Variants in TNIP1 observed in about 807,000 individuals in gnomAD.
TNIP1 encodes TNFAIP3 interacting protein 1.
Under a neutral mutation model 86.6 loss-of-function variants are expected in TNIP1, and 22 were observed. The ratio of observed to expected loss-of-function variants is 0.25; its 90% CI spans 0.18 to 0.36. The LOEUF is 0.36. Ranked by LOEUF, TNIP1 falls within the 10% of genes least tolerant of loss-of-function variation. The pLI, the probability that TNIP1 is intolerant of heterozygous loss-of-function variation, is 1.00. For synonymous variants in TNIP1, 294 were observed against 313.0 expected, an observed-to-expected ratio of 0.94 and a Z score of 0.64; for missense variants, 709 against 820.6, an observed-to-expected ratio of 0.86 and a Z score of 1.66.
chr5:151,053,469 C>G (rs1760235528), intron 6 of TNIP1, among the ~76,000 whole-genome samples: 3 of 152,268 alleles, frequency 2.0e-5, no homozygotes, highest in Admixed American at 2.0e-4. Flanking sequence ...ACAGATGAGA[C>G]AGTGAGAGTG....
intron 6 of TNIP1, 82 bp downstream of exon 6, chr5:151,056,684 G>C (rs557311262): frequency 7.5e-7 from 1 of 1,336,356 alleles, no homozygotes; most frequent in African/African-American, 1.5e-5. Flanking sequence ...GGTACCAGTG[G>C]ATTCCCAGGA....
intron 11 of TNIP1, among the ~76,000 whole-genome samples, chr5:151,039,635 T>G (rs1758161919): frequency 6.6e-6 from 1 of 152,148 alleles, no homozygotes; most frequent in Non-Finnish European, 1.5e-5. Context: ...AATTTTGTTG[T>G]GTGTAATCTG....
chr5:151,034,751 G>A lies in TNIP1; in HGVS notation c.1587+251C>T, dbSNP rs34702507. 1.1e-4 allele frequency: 54 copies of A among 498,248 alleles called. No homozygotes were observed. In the Admixed American group the frequency reaches 1.5e-3, roughly 13 times the overall value. The allele number at this position is 498,248 out of a possible 1,614,324, so 30.9% of individuals were successfully genotyped here. On this transcript the variant is annotated intron_variant, in intron 15 of 17. Transcript: ENST00000521591. Reference sequence around the variant, plus strand: ...ACATGGGCACGGAAGGCTCATACACGGCCAAAGAAGGCTAGTCACATGGGC... The same window carrying A: ...ACATGGGCACGGAAGGCTCATACACAGCCAAAGAAGGCTAGTCACATGGGC...
chr5:151,073,900 T>TA (rs918248530), intron 1 of TNIP1, among the ~76,000 whole-genome samples: 9 of 151,458 alleles, frequency 5.9e-5, no homozygotes, highest in Admixed American at 2.0e-4. Context: ...CTCTGTCTCT[T>TA]AAAAAAAAGA....
At chr5:151,084,914 A>C (rs974524947), upstream of TNIP1, among the ~76,000 whole-genome samples, 1 of 152,228 alleles carries the variant, frequency 6.6e-6, no homozygotes, top group Non-Finnish European at 1.5e-5. Flanking sequence ...CATGATATTG[A>C]CTAAAATTGT....
At chr5:151,087,315 A>AGGGC (rs1457495847), upstream of TNIP1, 1 of 152,214 alleles carries the variant, frequency 6.6e-6, no homozygotes, top group Non-Finnish European at 1.5e-5. Context: ...GTCAGCCTCC[A>AGGGC]CCTGTCACTT....
intron 2 of TNIP1, 104 bp downstream of exon 2, chr5:151,064,856 G>C (rs1255746535): frequency 1.3e-6 from 2 of 1,528,910 alleles, no homozygotes; most frequent in African/African-American, 2.7e-5. Context: ...GGGATGACTT[G>C]GGCAGAGGCA....
intron 1 of TNIP1, among the ~76,000 whole-genome samples, chr5:151,077,910 T>G (rs577651135): frequency 2.6e-5 from 4 of 152,216 alleles, no homozygotes; most frequent in Non-Finnish European, 5.9e-5. Context: ...GAGGAGAGGC[T>G]GATTCCAGTT....
upstream of TNIP1, chr5:151,087,623 C>G (rs919107795): frequency 2.0e-5 from 3 of 152,222 alleles, no homozygotes; most frequent in African/African-American, 7.2e-5. Context: ...GCTTCTCCAT[C>G]CATAGTGAAG....
chr5:151,057,621 G>A (rs1174199323), intron 5 of TNIP1, among the ~76,000 whole-genome samples: 1 of 152,156 alleles, frequency 6.6e-6, no homozygotes, highest in Admixed American at 6.5e-5. Flanking sequence ...GGAGGCTGAG[G>A]CAGGAGAACT....
At chr5:151,064,319 G>C (rs758557087) in intron 2 of TNIP1, among the ~76,000 whole-genome samples, 1 of 152,220 alleles carries the variant, frequency 6.6e-6, no homozygotes, top group Non-Finnish European at 1.5e-5. Flanking sequence ...CATGAGACTA[G>C]AGAAGGGCAC....
In TNIP1 at chr5:151,063,649, A is replaced by C; in HGVS notation, c.235T>G (p.Ser79Ala). 6.2e-7 allele frequency: 1 copy of C among 1,614,044 alleles called. No individual in the cohort carries two copies. Among genetic ancestry groups the C allele is most frequent in the Non-Finnish European group, 8.5e-7 (1 of 1,179,972 alleles). Residue 79 changes from serine to alanine, a missense_variant, in exon 3 of 18, where the codon TCC becomes GCC. Transcript: ENST00000521591. ...DNELLPPPSP[S>A]LGSFDPLAEL... ...GCCAGGGGGTCGAAGGAGCCCAAGGAGGGAGAAGGTGGTGGGAGCAGCTCG... is the reference window on the plus strand; with the variant it reads ...GCCAGGGGGTCGAAGGAGCCCAAGGCGGGAGAAGGTGGTGGGAGCAGCTCG...
At chr5:151,067,215 G>C (rs1047858015) in intron 1 of TNIP1, among the ~76,000 whole-genome samples, 1 of 152,244 alleles carries the variant, frequency 6.6e-6, no homozygotes, top group Non-Finnish European at 1.5e-5. Flanking sequence ...ACCGAACTAA[G>C]AAACAGTGTG....
intron 13 of TNIP1, among the ~76,000 whole-genome samples, chr5:151,036,497 A>T (rs972052585): frequency 1.3e-5 from 2 of 152,258 alleles, no homozygotes; most frequent in Non-Finnish European, 2.9e-5. Context: ...CAGCAGTGAT[A>T]TAAAGCTCCC....
At chr5:151,084,546 TCTTA>T (rs541461934), upstream of TNIP1, among the ~76,000 whole-genome samples, 83 of 151,138 alleles carry the variant, frequency 5.5e-4, no homozygotes, top group East Asian at 0.016. Context: ...TTGCGGGAGG[TCTTA>T]CGTTGAGTTT....
In TNIP1 at chr5:151,059,822, A is replaced by AGTGTGT. The variant is rs1761218919; in HGVS notation, c.435+495_435+496insACACAC. 6.9e-5 allele frequency among the ~76,000 whole-genome samples: 6 copies of AGTGTGT among 86,548 alleles called. No individual in the cohort carries two copies. The East Asian group carries it at 2.9e-3, about 42-fold the overall frequency. 56.8% of individuals were successfully genotyped at this position (86,548 alleles called of 152,430 possible). On this transcript the variant is annotated intron_variant, in intron 5 of 17. Transcript: ENST00000521591. ...GAGAGAGAGAGAGAGAGAGAGAGAG[A>AGTGTGT]GAGAGAGTGTGTGTGTGTGTGTGTG...
chr5:151,064,183 T>A (rs1375798694), intron 2 of TNIP1, among the ~76,000 whole-genome samples: 1 of 152,124 alleles, frequency 6.6e-6, no homozygotes, highest in African/African-American at 2.4e-5. Flanking sequence ...AGGCCTCCAT[T>A]TTCCTTCTCC....
rs567295943 is a variant in TNIP1, at chr5:151,049,742, G to A, written c.846+82C>T. The A allele has an allele frequency of 5.2e-6, 8 of 1,529,566 alleles. No individual in the cohort carries two copies. The South Asian group carries it at 6.8e-5, about 13-fold the overall frequency. The allele number at this position is 1,529,566 out of a possible 1,614,324, so 94.7% of individuals were successfully genotyped here. On this transcript the variant is annotated intron_variant, in intron 8 of 17. Coordinates refer to ENST00000521591, the MANE Select transcript of TNIP1 (RefSeq NM_006058.5). ...CTGGCACTGGCTGCAGGAGGGAGGA[G>A]GCTCACTGTCACTGGAGGTGGTAAG... is the stretch of plus-strand genomic sequence containing the variant.
At chr5:151,031,122 G>A (rs1178593047) in intron 17 of TNIP1, among the ~76,000 whole-genome samples, 1 of 152,130 alleles carries the variant, frequency 6.6e-6, no homozygotes. Context: ...CCTCCAAGGG[G>A]CTCCACTGAA....
Sources: allele counts gnomAD v4.1 joint callset (sites outside exome capture counted in the v4.1 genomes callset), GRCh38; gene constraint gnomAD v4.1.1; transcripts MANE v1.5; gene names NCBI Gene and HGNC (gene_info 2026-07-23, HGNC 2026-07-21).